PLEKHB2: variants seen among roughly 807,000 people sequenced by gnomAD.
The protein encoded by PLEKHB2 is pleckstrin homology domain containing B2.
A neutral mutation model predicts 36.5 loss-of-function variants in PLEKHB2; 31 were observed. The ratio of observed to expected loss-of-function variants is 0.85; its 90% confidence interval spans 0.64 to 1.15. The LOEUF is 1.15. PLEKHB2 is among the 50% of genes most tolerant of loss of function. The probability of loss-of-function intolerance (pLI) is 0.00; values close to 1 mark genes in which losing one functional copy is unlikely to be tolerated. For synonymous variants in PLEKHB2, 119 were observed against 112.0 expected (o/e 1.06, Z -0.39); for missense variants, 262 against 295.3 (o/e 0.89, Z 0.83).
chr2:131,133,090 A>C (rs774948830), intron 6 of PLEKHB2, 99 bp downstream of exon 6: 3 of 753,740 alleles, frequency 4.0e-6, no homozygotes, highest in Non-Finnish European at 6.9e-6. Flanking sequence ...AATGTACTCT[A>C]AACCTTTTCT....
intron 1 of PLEKHB2, among the ~76,000 whole-genome samples, chr2:131,111,490 CTTG>C (rs200554411): frequency 0.015 from 1,948 of 132,336 alleles, 21 homozygotes; most frequent in South Asian, 0.056. Context: ...TCTTTTTATT[CTTG>C]TTTTTTTTTT....
chr2:131,138,934 C>T (rs1365663871), intron 6 of PLEKHB2, among the ~76,000 whole-genome samples: 1 of 152,148 alleles, frequency 6.6e-6, no homozygotes, highest in Non-Finnish European at 1.5e-5. Context: ...CCCACTCAGT[C>T]TTATTTGACG....
At chr2:131,125,323 T>G (rs777493561) in intron 2 of PLEKHB2, among the ~76,000 whole-genome samples, 3 of 152,226 alleles carry the variant, frequency 2.0e-5, no homozygotes, top group Non-Finnish European at 4.4e-5. Context: ...AACTTCTAAG[T>G]TGGTTGGCAG....
chr2:131,113,657 A>G (rs1468173565), intron 1 of PLEKHB2, among the ~76,000 whole-genome samples: 4 of 152,196 alleles, frequency 2.6e-5, no homozygotes, highest in Non-Finnish European at 5.9e-5. Context: ...TGTCAGTATC[A>G]GTGAGCCTTT....
intron 2 of PLEKHB2, among the ~76,000 whole-genome samples, chr2:131,123,554 T>G (rs561880371): frequency 1.8e-4 from 28 of 152,340 alleles, no homozygotes; most frequent in African/African-American, 6.3e-4. Context: ...AGACAGAGTC[T>G]TGCTTTGTCG....
At chr2:131,119,798 G>A (rs577781389) in intron 1 of PLEKHB2, among the ~76,000 whole-genome samples, 2 of 152,046 alleles carry the variant, frequency 1.3e-5, no homozygotes, top group African/African-American at 4.8e-5. Flanking sequence ...TGTATCTGTT[G>A]AATTGAGTGG....
In PLEKHB2 at chr2:131,105,921, TCTC is replaced by T. The variant is rs1015017750; in HGVS notation, c.-9+526_-9+528del. ...GCTCCAGGGAACTTGCCTTCTCAGT[TCTC>T]CTGCCCAGAGGTCTCCCCTCCTTAA... On this transcript the variant is annotated intron_variant, in intron 1 of 7. Transcript: ENST00000693505. Among the ~76,000 whole-genome samples, 223 of 152,204 alleles carry T rather than the reference TCTC, an allele frequency of 1.5e-3. 1 individual carries two copies. The highest frequency in any genetic ancestry group is 4.9e-3 in the African/African-American group (204 of 41,528).
chr2:131,129,922 A>G (rs1032342682), intron 4 of PLEKHB2, among the ~76,000 whole-genome samples: 14 of 152,216 alleles, frequency 9.2e-5, no homozygotes, highest in African/African-American at 3.4e-4. Context: ...CATTTTGGCA[A>G]TACCTGCTGA....
At chr2:131,116,717 CAG>C (rs1573539652) in intron 1 of PLEKHB2, among the ~76,000 whole-genome samples, 1 of 152,164 alleles carries the variant, frequency 6.6e-6, no homozygotes, top group African/African-American at 2.4e-5. Context: ...GGTGGGGACA[CAG>C]AGCCAAACCA....
intron 2 of PLEKHB2, among the ~76,000 whole-genome samples, chr2:131,123,580 A>G (rs1696744239): frequency 6.6e-6 from 1 of 152,160 alleles, no homozygotes; most frequent in Non-Finnish European, 1.5e-5. Flanking sequence ...GCTGGAGTGC[A>G]ATGGCATGAT....
chr2:131,120,748 G>T (rs1696420898), intron 1 of PLEKHB2, 186 bp from the exon 2 acceptor site: 1 of 672,080 alleles, frequency 1.5e-6, no homozygotes, highest in Non-Finnish European at 2.7e-6. Context: ...AAGGGAGGGG[G>T]TACAGAGTGC....
At chr2:131,111,647 C>T (rs765642629) in intron 1 of PLEKHB2, among the ~76,000 whole-genome samples, 3 of 151,246 alleles carry the variant, frequency 2.0e-5, no homozygotes, top group South Asian at 2.1e-4. Flanking sequence ...CCTGCCACCA[C>T]GCCCAACTAA....
chr2:131,135,943 T>C (rs1698198435), intron 6 of PLEKHB2, among the ~76,000 whole-genome samples: 1 of 152,136 alleles, frequency 6.6e-6, no homozygotes, highest in African/African-American at 2.4e-5. Flanking sequence ...TCATTTATTA[T>C]GAATGTACTG....
At chr2:131,117,634 T>C (rs1696025515) in intron 1 of PLEKHB2, among the ~76,000 whole-genome samples, 1 of 152,184 alleles carries the variant, frequency 6.6e-6, no homozygotes, top group Non-Finnish European at 1.5e-5. Flanking sequence ...TGAAATATAC[T>C]GGGAATTCAC....
At chr2:131,114,781 T>C (rs1256759494) in intron 1 of PLEKHB2, among the ~76,000 whole-genome samples, 2 of 152,164 alleles carry the variant, frequency 1.3e-5, no homozygotes, top group African/African-American at 4.8e-5. Flanking sequence ...GACCTTATTG[T>C]CCATATCACT....
chr2:131,117,171 C>T (rs1449895987), intron 1 of PLEKHB2, among the ~76,000 whole-genome samples: 1 of 152,046 alleles, frequency 6.6e-6, no homozygotes, highest in Non-Finnish European at 1.5e-5. Context: ...CATTAGAAGG[C>T]TGGGCATGGT....
chr2:131,127,113 A>G (rs1697179932), intron 4 of PLEKHB2: 1 of 240,550 alleles, frequency 4.2e-6, no homozygotes, highest in Admixed American at 5.3e-5. Flanking sequence ...GAGTAAGGAA[A>G]CTGTCAGTTC....
intron 4 of PLEKHB2, among the ~76,000 whole-genome samples, chr2:131,129,877 G>T (rs1381745571): frequency 3.9e-5 from 6 of 152,138 alleles, no homozygotes; most frequent in Non-Finnish European, 7.4e-5. Context: ...TGTAAAGTTG[G>T]TAGGTATAGA....
chr2:131,115,341 C>CTTTTTT lies in PLEKHB2; in HGVS notation c.-8-5567_-8-5562dup, dbSNP rs1179533654. ...GCCAAACCATTATCAGAAAGTATGT[C>CTTTTTT]TTTTTTTTTTTTTTTTTTTTTTTTT... On this transcript the variant is annotated intron_variant, in intron 1 of 7. Coordinates refer to ENST00000693505, the MANE Select transcript of PLEKHB2 (RefSeq NM_001100623.2). Among the ~76,000 whole-genome samples, 70 of 64,566 alleles carry CTTTTTT rather than the reference C, an allele frequency of 1.1e-3. 1 individual carries two copies. The highest frequency in any genetic ancestry group is 1.8e-3 in the Non-Finnish European group (61 of 33,866). The allele number at this position is 64,566 out of a possible 152,430, so 42.4% of individuals were successfully genotyped here.
Sources: allele counts gnomAD v4.1 joint callset (sites outside exome capture counted in the v4.1 genomes callset), GRCh38; gene constraint gnomAD v4.1.1; transcripts MANE v1.5; gene names NCBI Gene and HGNC (gene_info 2026-07-23, HGNC 2026-07-21).